Variants in DCAF8L2 observed in about 807,000 individuals in gnomAD.
DCAF8L2 encodes DDB1- and CUL4-associated factor 8-like protein 2.
For missense variants in DCAF8L2, 430 were observed against 490.7 expected (o/e 0.88, Z 1.17); for synonymous variants, 200 against 190.9 (o/e 1.05, Z -0.39).
chrX:27,510,661 T>C, the DCAF8L2 span, among the ~76,000 whole-genome samples: 1 of 109,860 alleles, frequency 9.1e-6, no homozygotes, highest in Admixed American at 9.9e-5. Context: ...TATATACCTG[T>C]CTACATAAGG....
intron 3 of DCAF8L2, among the ~76,000 whole-genome samples, chrX:27,691,994 T>C (rs1930729245): frequency 8.9e-6 from 1 of 111,904 alleles, no homozygotes; most frequent in South Asian, 3.7e-4. Context: ...CGTGCTTCTG[T>C]TGAACATACA....
intron 2 of DCAF8L2, chrX:27,632,295 A>T (rs1445405856): frequency 2.7e-5 from 3 of 111,636 alleles, no homozygotes; most frequent in Non-Finnish European, 5.6e-5. Context: ...TGCAGAAACA[A>T]GTGCAGGAAA....
intron 1 of DCAF8L2, among the ~76,000 whole-genome samples, chrX:27,613,933 C>T (rs1927322102): frequency 9.0e-6 from 1 of 111,006 alleles, no homozygotes; most frequent in Non-Finnish European, 1.9e-5. Context: ...TGTGTCTCTG[C>T]CAGGCTTTGG....
At chrX:27,653,725 TACACACACACACAC>T (rs34651746) in intron 2 of DCAF8L2, among the ~76,000 whole-genome samples, 3 of 92,074 alleles carry the variant, frequency 3.3e-5, no homozygotes, top group East Asian at 3.8e-4. Flanking sequence ...CAGATATGTA[TACACACACACACAC>T]ACACACACAC....
chrX:27,509,171 G>A, the DCAF8L2 span, among the ~76,000 whole-genome samples: 1 of 111,124 alleles, frequency 9.0e-6, no homozygotes, highest in Admixed American at 9.6e-5. Context: ...CTGGCCTTTA[G>A]GAGGGCTGGA....
At chrX:27,527,987 A>G in the DCAF8L2 span, among the ~76,000 whole-genome samples, 2 of 70,352 alleles carry the variant, frequency 2.8e-5, no homozygotes, top group African/African-American at 2.1e-4. Flanking sequence ...ATTTAATTTA[A>G]TTAATTATTA....
At chrX:27,734,415 A>C (rs1428421800) in intron 4 of DCAF8L2, among the ~76,000 whole-genome samples, 1 of 110,978 alleles carries the variant, frequency 9.0e-6, no homozygotes, top group Non-Finnish European at 1.9e-5. Context: ...CAAATGAGAG[A>C]GCAACAGGGT....
chrX:27,517,136 A>C, the DCAF8L2 span, among the ~76,000 whole-genome samples: 23 of 111,948 alleles, frequency 2.1e-4, no homozygotes, highest in Middle Eastern at 0.014. Context: ...TAGGTAATTA[A>C]ATTTGGATTA....
chrX:27,485,527 A>G, the DCAF8L2 span, among the ~76,000 whole-genome samples: 1 of 111,778 alleles, frequency 8.9e-6, no homozygotes, highest in South Asian at 3.7e-4. Context: ...TCCAAATAAT[A>G]AAGTAAAAAT....
the DCAF8L2 span, among the ~76,000 whole-genome samples, chrX:27,557,815 T>C: frequency 1.9e-5 from 2 of 106,736 alleles, no homozygotes; most frequent in African/African-American, 6.8e-5. Context: ...TGCATTTCCA[T>C]GTCTATCAGA....
chrX:27,721,738 C>A (rs1175302231), intron 4 of DCAF8L2, among the ~76,000 whole-genome samples: 1 of 111,594 alleles, frequency 9.0e-6, no homozygotes, highest in Non-Finnish European at 1.9e-5. Flanking sequence ...TTTAAAAAAT[C>A]ACTCACAAAC....
intron 4 of DCAF8L2, among the ~76,000 whole-genome samples, chrX:27,730,179 G>A (rs987048862): frequency 3.6e-5 from 4 of 112,045 alleles, no homozygotes; most frequent in Non-Finnish European, 7.5e-5. Flanking sequence ...ACAAGTTGGA[G>A]GTGAAGGTGG....
At chrX:27,545,702 T>C in the DCAF8L2 span, among the ~76,000 whole-genome samples, 1 of 111,640 alleles carries the variant, frequency 9.0e-6, no homozygotes, top group Non-Finnish European at 1.9e-5. Context: ...TGAGACTGGG[T>C]AATTTATAAA....
chrX:27,566,815 GTTGT>G, the DCAF8L2 span, among the ~76,000 whole-genome samples: 9 of 110,149 alleles, frequency 8.2e-5, no homozygotes, highest in African/African-American at 2.6e-4. Flanking sequence ...ATAAAGTTAG[GTTGT>G]TTATTTGAGA....
At chrX:27,709,549 C>A (rs1299499384) in intron 3 of DCAF8L2, among the ~76,000 whole-genome samples, 4 of 111,979 alleles carry the variant, frequency 3.6e-5, no homozygotes, top group Non-Finnish European at 7.5e-5. Flanking sequence ...TTTCTTCCTT[C>A]CCTTTCCACT....
chrX:27,511,657 C>G, the DCAF8L2 span, among the ~76,000 whole-genome samples: 1 of 112,195 alleles, frequency 8.9e-6, no homozygotes. Context: ...CACTTGATTG[C>G]ATAGCAACCT....
At chrX:27,661,645 A>AT (rs1279364791) in intron 2 of DCAF8L2, among the ~76,000 whole-genome samples, 2 of 112,167 alleles carry the variant, frequency 1.8e-5, no homozygotes, top group Admixed American at 1.9e-4. Flanking sequence ...GAATATTTAG[A>AT]TACAGTAAAT....
intron 3 of DCAF8L2, among the ~76,000 whole-genome samples, chrX:27,703,571 C>G: frequency 9.0e-6 from 1 of 110,974 alleles, no homozygotes; most frequent in East Asian, 2.8e-4. Flanking sequence ...GAAAATCAAT[C>G]ACGGTCAGTT....
At chrX:27,554,281 G>A in the DCAF8L2 span, among the ~76,000 whole-genome samples, 1 of 111,767 alleles carries the variant, frequency 8.9e-6, no homozygotes, top group South Asian at 3.7e-4. Flanking sequence ...AGCACATAAA[G>A]ATTCTCATCT....
Sources: gnomAD v4.1 joint callset for allele counts (sites outside exome capture counted in the v4.1 genomes callset) on GRCh38, gnomAD v4.1.1 for gene constraint, MANE v1.5 for transcripts, NCBI Gene and HGNC (gene_info 2026-07-23, HGNC 2026-07-21) for gene names.